The following CDK20 variants were observed in gnomAD, a reference collection of about 807,000 sequenced individuals.
CDK20 encodes cyclin dependent kinase 20.
CDK20 carries 40 observed loss-of-function variants against 38.6 expected under a neutral mutation model. The observed-to-expected ratio is 1.04, with a 90% CI of 0.81 to 1.35. CDK20 has a LOEUF of 1.35. CDK20 is among the 40% of genes most tolerant of loss of function. The pLI is 0.00. For missense variants in CDK20, 512 were observed against 452.6 expected (o/e 1.13, Z -1.19); for synonymous variants, 209 against 185.7 (o/e 1.13, Z -1.02).
In CDK20 at chr9:87,969,840, A is replaced by G. The variant is rs1187315434; in HGVS notation, c.643T>C (p.Tyr215His). 3.2e-5 allele frequency: 52 copies of G among 1,613,344 alleles called. No individual in the cohort carries two copies. Among genetic ancestry groups the G allele is most frequent in the Non-Finnish European group, 4.2e-5 (50 of 1,179,642 alleles). ...GGGGTGCCCAAGATGCGAAGCACAT[A>G]GCAAAGCTGTTCAATATCGTTCTTG... The part of the protein sequence containing the change: ...PGKNDIEQLC[Y>H]VLRILGTPNP... Residue 215 changes from tyrosine to histidine, a missense_variant, in exon 6 of 8, where the codon TAT (tyrosine) becomes CAT (histidine). Tyr to His is a moderately conservative substitution (Grantham distance 83). Coordinates refer to ENST00000325303, the MANE Select transcript of CDK20 (RefSeq NM_001039803.3).
Position 87,971,200 on chromosome 9 carries a change from G to A in CDK20, c.325C>T (p.Gln109Ter). ...AAGGCGACACCCTTGAGCAGCATCTGCAGGTAGCTCTTGACCTGTGCCTGG... is the reference window on the plus strand; with the variant it reads ...AAGGCGACACCCTTGAGCAGCATCTACAGGTAGCTCTTGACCTGTGCCTGG... Reference protein sequence around the residue: ...LAQAQVKSYLQMLLKGVAFCH... With the variant: ...LAQAQVKSYL Residue 109 changes from glutamine (Q) to a stop codon, truncating the protein, a stop_gained, in exon 3 of 8, where the codon CAG becomes TAG. Coordinates refer to ENST00000325303, the MANE Select transcript of CDK20 (RefSeq NM_001039803.3). LOFTEE classifies it high-confidence loss of function. The A allele has an allele frequency of 6.2e-7, 1 of 1,614,184 alleles. No homozygotes were observed. Among genetic ancestry groups the A allele is most frequent in the East Asian group, 2.2e-5 (1 of 44,872 alleles).
rs754174793 is a variant in CDK20, at chr9:87,970,579, G to A, written c.552C>T (p.Gly184=). Residue 184 remains glycine, a synonymous_variant, in exon 5 of 8, where the codon GGC becomes GGT. Transcript: ENST00000325303. ...LLYGARQYDQ[G]VDLWSVGCIM... Reference sequence around the variant, plus strand: ...CACAGGGGTCTCACCACAGATCGACGCCCTGGTCATACTGGCGGGCACCAT... The same window carrying A: ...CACAGGGGTCTCACCACAGATCGACACCCTGGTCATACTGGCGGGCACCAT... The A allele has an allele frequency of 5.6e-6, 9 of 1,613,872 alleles. No individual in the cohort carries two copies. Among genetic ancestry groups the A allele is most frequent in the South Asian group, 3.3e-5 (3 of 91,078 alleles).
At chr9:87,973,270 C>G (rs1317189816) in intron 2 of CDK20, among the ~76,000 whole-genome samples, 3 of 152,166 alleles carry the variant, frequency 2.0e-5, no homozygotes, top group Admixed American at 6.5e-5. Context: ...GCAGCCCCTC[C>G]CGGTACCCTA....
chr9:87,967,788 A>G (rs143033261), intron 7 of CDK20, 129 bp from the exon 8 acceptor site: 155 of 760,710 alleles, frequency 2.0e-4, no homozygotes, highest in Non-Finnish European at 2.8e-4. Flanking sequence ...AGTGTCTACT[A>G]TGTCTGAAGC....
Position 87,967,352 on chromosome 9 carries a change from G to T in CDK20, c.*110C>A, listed in dbSNP as rs754245827. Reference sequence around the variant, plus strand: ...GGCTAAGGGGCAGGGTGTGGTGTGGGCCCACTGTGGCCATGGGGAGGCCTT... The same window carrying T: ...GGCTAAGGGGCAGGGTGTGGTGTGGTCCCACTGTGGCCATGGGGAGGCCTT... On this transcript the variant is annotated 3_prime_UTR_variant, in exon 8 of 8. Coordinates refer to ENST00000325303, the MANE Select transcript of CDK20 (RefSeq NM_001039803.3). 1.0e-4 allele frequency: 111 copies of T among 1,066,196 alleles called. No homozygotes were observed. Among genetic ancestry groups the T allele is most frequent in the Admixed American group, 7.7e-4 (39 of 50,352 alleles). The allele number at this position is 1,066,196 out of a possible 1,614,324, so 66.0% of individuals were successfully genotyped here.
rs1487041199 is a variant in CDK20 at position 87,974,432 on chromosome 9, G to GCAGT, written c.11_14dup (p.Cys5Ter). On this transcript the variant is annotated stop_gained and frameshift_variant, in exon 1 of 8. Coordinates refer to ENST00000325303, the MANE Select transcript of CDK20 (RefSeq NM_001039803.3). LOFTEE classifies it high-confidence loss of function. ...CGCCCTCCCCGATGCGGCCCAGGAT[G>GCAGT]CAGTACTGGTCCATCCCGCTGCAGT... The GCAGT allele has an allele frequency of 6.2e-7, 1 of 1,612,626 alleles. No individual in the cohort carries two copies. Among genetic ancestry groups the GCAGT allele is most frequent in the Non-Finnish European group, 8.5e-7 (1 of 1,179,914 alleles).
In CDK20 at chr9:87,966,802, C is replaced by G. The variant is rs1236617991; in HGVS notation, c.*660G>C. ...TGGGCCTAGACTTCTGTCTCCCTCACTTCTAAATGAGTGCTCAGTGATGTG... is the reference window on the plus strand; with the variant it reads ...TGGGCCTAGACTTCTGTCTCCCTCAGTTCTAAATGAGTGCTCAGTGATGTG... On this transcript the variant is annotated 3_prime_UTR_variant, in exon 8 of 8. Transcript: ENST00000325303. 8.6e-6 allele frequency: 3 copies of G among 348,992 alleles called. No homozygotes were observed. The highest frequency in any genetic ancestry group is 2.1e-5 in the African/African-American group (1 of 46,612). The allele number at this position is 348,992 out of a possible 1,614,324, so 21.6% of individuals were successfully genotyped here. A position where few individuals can be genotyped will look rare whatever the true frequency, so the allele number is the denominator to read the frequency against.
chr9:87,972,075 C>T (rs1283519928), intron 2 of CDK20, among the ~76,000 whole-genome samples: 1 of 152,020 alleles, frequency 6.6e-6, no homozygotes, highest in South Asian at 2.1e-4. Flanking sequence ...CATGGTGACA[C>T]GTGCCTGTAG....
At chr9:87,969,157 G>C (rs767647137) in intron 7 of CDK20, 37 bp downstream of exon 7, 1 of 1,607,010 alleles carries the variant, frequency 6.2e-7, no homozygotes, top group Admixed American at 1.7e-5. Context: ...ATGGGGAGGG[G>C]AGCTGAAGGA....
At chr9:87,969,741 G>C (rs932252296) in intron 6 of CDK20, 55 bp downstream of exon 6, 1 of 1,609,862 alleles carries the variant, frequency 6.2e-7, no homozygotes, top group African/African-American at 1.3e-5. Flanking sequence ...GTTACTTGCT[G>C]TTGGGAGTGG....
chr9:87,974,353 G>C lies in CDK20; in HGVS notation c.75+19C>G, dbSNP rs1343008095. On this transcript the variant is annotated intron_variant, in intron 1 of 7. Coordinates refer to ENST00000325303, the MANE Select transcript of CDK20 (RefSeq NM_001039803.3). ...GGGGGCACACCCCCGCCAGGCTGCC[G>C]GCCGCGGTCCAGCCTCACCTCCACG... 8.7e-6 allele frequency: 14 copies of C among 1,608,870 alleles called. No individual in the cohort carries two copies. Among genetic ancestry groups the C allele is most frequent in the Non-Finnish European group, 1.1e-5 (13 of 1,178,988 alleles).
Position 87,974,018 on chromosome 9 carries a change from G to A in CDK20, c.93C>T (p.Ala31=), listed in dbSNP as rs1830052838. ...AKHVETGEIV[A]LKKVALRRLE... is the part of the protein sequence containing the mutation. ...ACCGCCTTAGGGCCACCTTCTTGAG[G>A]GCAACTATCTCGCCAGTCTGCAGGA... The change falls in exon 2 of 8, where the codon GCC becomes GCT. Residue 31 remains alanine (A), a synonymous_variant. Transcript: ENST00000325303. 1 of 1,614,040 alleles carries A rather than the reference G, an allele frequency of 6.2e-7. No individual in the cohort carries two copies.
rs376251813 is a variant in CDK20 at position 87,970,790 on chromosome 9, G to C, written c.486C>G (p.His162Gln). ...GCCCTCCCTACCTGGTGGCCACCTGGTGTGTGTAGAGGCGGCTGCCGTCTG... is the reference window on the plus strand; with the variant it reads ...GCCCTCCCTACCTGGTGGCCACCTGCTGTGTGTAGAGGCGGCTGCCGTCTG... ...FSPDGSRLYT[H>Q]QVATRWYRAP... Residue 162 changes from histidine (H) to glutamine (Q), a missense_variant, in exon 4 of 8, where the codon CAC (histidine) becomes CAG (glutamine). By Grantham distance (24) the His-to-Gln change is conservative (BLOSUM62 0). Coordinates refer to ENST00000325303, the MANE Select transcript of CDK20 (RefSeq NM_001039803.3). 6 of 1,614,072 alleles carry C rather than the reference G, an allele frequency of 3.7e-6. No individual in the cohort carries two copies. The highest frequency in any genetic ancestry group is 2.7e-5 in the African/African-American group (2 of 74,926).
At chr9:87,969,136 G>A in intron 7 of CDK20, 58 bp downstream of exon 7, 1 of 1,585,558 alleles carries the variant, frequency 6.3e-7, no homozygotes. Context: ...CAAGTACAGA[G>A]TACCAGGGTG....
At chr9:87,973,838 G>A (rs1830032571) in intron 2 of CDK20, 84 bp downstream of exon 2, 2 of 1,387,528 alleles carry the variant, frequency 1.4e-6, no homozygotes, top group Middle Eastern at 1.8e-4. Flanking sequence ...AGCTGGTGAA[G>A]GCGTAGCTGG....
In CDK20 at chr9:87,974,490, C is replaced by T. The variant is rs767278334; in HGVS notation, c.-44G>A. 11 of 1,558,664 alleles carry T rather than the reference C, an allele frequency of 7.1e-6. No individual in the cohort carries two copies. Among genetic ancestry groups the T allele is most frequent in the Non-Finnish European group, 9.6e-6 (11 of 1,142,676 alleles). On this transcript the variant is annotated 5_prime_UTR_variant, in exon 1 of 8. Transcript: ENST00000325303. ...CTGTGCCCCTGTGCCCCTGAACTTC[C>T]AAACTCCACTTCTCCTCCACCCCAC...
Position 87,974,515 on chromosome 9 carries a change from C to T in CDK20, c.-69G>A. 7.0e-7 allele frequency: 1 copy of T among 1,424,630 alleles called. No homozygotes were observed. The highest frequency in any genetic ancestry group is 1.3e-5 in the South Asian group (1 of 79,092). The allele number at this position is 1,424,630 out of a possible 1,614,324, so 88.2% of individuals were successfully genotyped here. ...CAAACTCCACTTCTCCTCCACCCCACGCTGATCTGAGCTCGCACGCTGTTG... is the reference window on the plus strand; with the variant it reads ...CAAACTCCACTTCTCCTCCACCCCATGCTGATCTGAGCTCGCACGCTGTTG... On this transcript the variant is annotated 5_prime_UTR_variant, in exon 1 of 8. In the 5' UTR this introduces an upstream ATG that the reference lacks. Coordinates refer to ENST00000325303, the MANE Select transcript of CDK20 (RefSeq NM_001039803.3).
intron 4 of CDK20, 25 bp from the exon 5 acceptor site, chr9:87,970,655 A>C (rs898004341): frequency 9.3e-6 from 15 of 1,613,914 alleles, no homozygotes; most frequent in Non-Finnish European, 1.2e-5. Flanking sequence ...GCTGGCAGGC[A>C]CTGGGCTGAG....
intron 1 of CDK20, 100 bp from the exon 2 acceptor site, chr9:87,974,135 C>T (rs1830063872): frequency 9.5e-6 from 15 of 1,581,272 alleles, no homozygotes; most frequent in Admixed American, 1.7e-5. Context: ...CACGCGCCCC[C>T]GGCTCGGCCA....
Sources: allele counts gnomAD v4.1 joint callset (sites outside exome capture counted in the v4.1 genomes callset), GRCh38; gene constraint gnomAD v4.1.1; transcripts MANE v1.5; gene names NCBI Gene and HGNC (gene_info 2026-07-23, HGNC 2026-07-21).